PSD3: variants seen among roughly 807,000 people sequenced by gnomAD.
PSD3 encodes the protein PH and SEC7 domain-containing protein 3.
PSD3 carries 49 observed loss-of-function variants against 105.5 expected under a neutral mutation model. The ratio of observed to expected loss-of-function variants is 0.46; its 90% CI spans 0.37 to 0.59. The LOEUF is 0.59. Among genes scored for constraint, PSD3 ranks in the 20% least tolerant of loss-of-function variants. PSD3 has a pLI of 0.00. For synonymous variants in PSD3, 557 were observed against 457.8 expected (o/e 1.22, Z -2.77); for missense variants, 1,561 against 1,263.8 (o/e 1.24, Z -3.57).
upstream of PSD3, among the ~76,000 whole-genome samples, chr8:19,017,642 T>C (rs1285321002): frequency 1.3e-5 from 2 of 152,248 alleles, no homozygotes; most frequent in Non-Finnish European, 2.9e-5. Flanking sequence ...GGACATTTCA[T>C]ATAAATGGAA....
chr8:18,557,084 C>A (rs200481230), intron 14 of PSD3, among the ~76,000 whole-genome samples: 1 of 152,204 alleles, frequency 6.6e-6, no homozygotes, highest in Non-Finnish European at 1.5e-5. Flanking sequence ...ATTTATATCA[C>A]CTTAGCAATA....
At chr8:18,960,048 G>A (rs949317472) in intron 1 of PSD3, among the ~76,000 whole-genome samples, 1 of 152,046 alleles carries the variant, frequency 6.6e-6, no homozygotes, top group African/African-American at 2.4e-5. Context: ...ACCCATTATC[G>A]ATTCCTTGGA....
At chr8:18,818,298 G>A (rs73580716) in intron 4 of PSD3, among the ~76,000 whole-genome samples, 22,459 of 151,924 alleles carry the variant, frequency 0.15, 1,863 homozygotes, top group African/African-American at 0.24. Flanking sequence ...CAGTTTCTAC[G>A]CTTTTAAACT....
intron 2 of PSD3, among the ~76,000 whole-genome samples, chr8:18,907,348 T>C (rs530017355): frequency 6.6e-6 from 1 of 152,202 alleles, no homozygotes; most frequent in East Asian, 1.9e-4. Context: ...TTATTTATTT[T>C]ATTTTGTAGA....
intron 4 of PSD3, among the ~76,000 whole-genome samples, chr8:18,838,315 G>T (rs552793953): frequency 4.6e-5 from 7 of 152,242 alleles, no homozygotes; most frequent in Middle Eastern, 3.4e-3. Context: ...GCCTCACCAT[G>T]CTTGGAAAGT....
chr8:18,776,773 G>C (rs335221), intron 8 of PSD3, among the ~76,000 whole-genome samples: 1 of 151,832 alleles, frequency 6.6e-6, no homozygotes, highest in Admixed American at 6.6e-5. Context: ...CTTTGATCTC[G>C]TTACTCATTA....
At chr8:18,646,202 A>C (rs1808022613) in intron 10 of PSD3, among the ~76,000 whole-genome samples, 1 of 152,132 alleles carries the variant, frequency 6.6e-6, no homozygotes, top group South Asian at 2.1e-4. Context: ...TGAAGTTTAA[A>C]ATGAAAATTA....
intron 2 of PSD3, among the ~76,000 whole-genome samples, chr8:18,918,785 C>G (rs1820795456): frequency 6.6e-6 from 1 of 152,038 alleles, no homozygotes; most frequent in East Asian, 1.9e-4. Flanking sequence ...CCCTCAAAGC[C>G]TCTCACCCCA....
intron 1 of PSD3, among the ~76,000 whole-genome samples, chr8:18,977,892 T>C (rs936197080): frequency 5.3e-5 from 8 of 152,194 alleles, no homozygotes; most frequent in African/African-American, 1.9e-4. Flanking sequence ...TTTCCAAGCA[T>C]AGAAGTCACA....
chr8:18,811,591 C>T (rs1442487922), intron 4 of PSD3, among the ~76,000 whole-genome samples: 3 of 152,074 alleles, frequency 2.0e-5, no homozygotes, highest in South Asian at 2.1e-4. Flanking sequence ...CATTTTTCTA[C>T]GAAGTGGTCA....
chr8:19,063,140 T>C (rs1828959820), intron 1 of PSD3, among the ~76,000 whole-genome samples: 2 of 152,254 alleles, frequency 1.3e-5, no homozygotes, highest in Admixed American at 6.5e-5. Flanking sequence ...CCATTGAGTC[T>C]GTAAGACGCA....
intron 1 of PSD3, chr8:18,989,541 G>T (rs1825684184): frequency 6.6e-6 from 1 of 152,154 alleles, no homozygotes; most frequent in Admixed American, 6.5e-5. Flanking sequence ...GATTTAATGA[G>T]AATACTAGGG....
intron 3 of PSD3, among the ~76,000 whole-genome samples, chr8:18,868,702 A>G (rs996278396): frequency 1.1e-4 from 16 of 152,374 alleles, no homozygotes; most frequent in African/African-American, 3.8e-4. Flanking sequence ...AAAAGTCAAC[A>G]TACAGGGTAG....
Position 18,828,696 on chromosome 8 carries a change from C to T in PSD3, c.1635-23798G>A, listed in dbSNP as rs558251609. On this transcript the variant is annotated intron_variant, in intron 4 of 15. Coordinates refer to ENST00000327040, the MANE Select transcript of PSD3 (RefSeq NM_015310.4). ...TTAGCTGGGGCTGGGCGAGGTGGCT[C>T]ATGCCTGAAATCCCAGCATTTTGGG... Among the ~76,000 whole-genome samples, 77 of 152,244 alleles carry T rather than the reference C, an allele frequency of 5.1e-4. 1 individual carries two copies. Among genetic ancestry groups the T allele is most frequent in the Admixed American group, 5.9e-4 (9 of 15,296 alleles).
intron 14 of PSD3, among the ~76,000 whole-genome samples, chr8:18,565,737 G>C (rs974920435): frequency 6.6e-6 from 1 of 152,022 alleles, no homozygotes; most frequent in African/African-American, 2.4e-5. Flanking sequence ...TGGGAGTATG[G>C]GGAAAAAAAG....
At chr8:18,806,905 G>C (rs995260787) in intron 4 of PSD3, among the ~76,000 whole-genome samples, 4 of 152,196 alleles carry the variant, frequency 2.6e-5, no homozygotes, top group African/African-American at 9.6e-5. Flanking sequence ...TAAAAAAGCA[G>C]TACTGCTAAT....
At chr8:18,681,445 T>TC (rs1466159094) in intron 9 of PSD3, among the ~76,000 whole-genome samples, 3 of 93,482 alleles carry the variant, frequency 3.2e-5, no homozygotes, top group Non-Finnish European at 5.6e-5. Flanking sequence ...TGTTTCTGTT[T>TC]CAAAAAAAAA....
chr8:19,010,406 T>C (rs1586624210), intron 1 of PSD3, among the ~76,000 whole-genome samples: 1 of 152,226 alleles, frequency 6.6e-6, no homozygotes, highest in African/African-American at 2.4e-5. Context: ...GGACATGCAC[T>C]GTTTTTATAT....
In PSD3 at chr8:18,566,367, A is replaced by G. The variant is rs1383508785; in HGVS notation, c.2784+6161T>C. 3.3e-5 allele frequency among the ~76,000 whole-genome samples: 5 copies of G among 152,072 alleles called. No individual in the cohort carries two copies. The East Asian group carries it at 7.8e-4, about 24-fold the overall frequency. ...CGGTGAAACCTTATCTCTACTAAAAATACGAAAAATTAGCTGGGTATGGTG... is the reference window on the plus strand; with the variant it reads ...CGGTGAAACCTTATCTCTACTAAAAGTACGAAAAATTAGCTGGGTATGGTG... On this transcript the variant is annotated intron_variant, in intron 14 of 15. Coordinates refer to ENST00000327040, the MANE Select transcript of PSD3 (RefSeq NM_015310.4).
Sources: allele counts gnomAD v4.1 joint callset (sites outside exome capture counted in the v4.1 genomes callset), GRCh38; gene constraint gnomAD v4.1.1; transcripts MANE v1.5; gene names NCBI Gene and HGNC (gene_info 2026-07-23, HGNC 2026-07-21).